Variants in PPM1B observed in about 807,000 individuals in gnomAD.
PPM1B encodes protein phosphatase 1B.
Under a neutral mutation model 43.0 loss-of-function variants are expected in PPM1B, and 22 were observed. The ratio of observed to expected loss-of-function variants is 0.51; its 90% CI spans 0.37 to 0.73. The LOEUF (loss-of-function observed/expected upper bound fraction) is 0.73. Ranked by LOEUF, PPM1B falls within the 30% of genes least tolerant of loss-of-function variation. PPM1B has a pLI of 0.00. For missense variants in PPM1B, 632 were observed against 584.2 expected, an observed-to-expected ratio of 1.08 and a Z score of -0.84; for synonymous variants, 217 against 197.9, an observed-to-expected ratio of 1.10 and a Z score of -0.81.
At chr2:44,221,836 A>AAT (rs1228703192) in intron 5 of PPM1B, among the ~76,000 whole-genome samples, 1 of 152,102 alleles carries the variant, frequency 6.6e-6, no homozygotes, top group Non-Finnish European at 1.5e-5. Flanking sequence ...AAGTAATTTT[A>AAT]ATATATATTC....
chr2:44,181,057 A>T (rs1572687665), intron 1 of PPM1B, among the ~76,000 whole-genome samples: 1 of 151,966 alleles, frequency 6.6e-6, no homozygotes, highest in East Asian at 1.9e-4. Flanking sequence ...CAGTCGTCCT[A>T]CCCCAGCCTC....
chr2:44,189,438 C>T (rs147858023), intron 1 of PPM1B, among the ~76,000 whole-genome samples: 1 of 152,186 alleles, frequency 6.6e-6, no homozygotes, highest in Admixed American at 6.5e-5. Flanking sequence ...TTCTAACTTG[C>T]TAAGCTGCTG....
chr2:44,197,465 T>TA (rs1002638109), intron 1 of PPM1B, among the ~76,000 whole-genome samples: 5 of 152,120 alleles, frequency 3.3e-5, no homozygotes, highest in Middle Eastern at 3.4e-3. Flanking sequence ...TATCAAAAAC[T>TA]AAAAAAAACT....
chr2:44,215,332 A>G (rs1000125816), intron 3 of PPM1B, among the ~76,000 whole-genome samples: 2 of 152,190 alleles, frequency 1.3e-5, no homozygotes. Flanking sequence ...GGTGGTGCAC[A>G]CCTGTAGTTC....
chr2:44,202,665 G>A (rs1668995349), intron 2 of PPM1B, among the ~76,000 whole-genome samples: 1 of 152,092 alleles, frequency 6.6e-6, no homozygotes, highest in South Asian at 2.1e-4. Flanking sequence ...TCATATAGAT[G>A]TTTTTATTAT....
chr2:44,222,503 T>G (rs1431011197), intron 5 of PPM1B, among the ~76,000 whole-genome samples: 1 of 152,138 alleles, frequency 6.6e-6, no homozygotes, highest in Non-Finnish European at 1.5e-5. Flanking sequence ...TTTCCAAGGG[T>G]AAAGTTGAGC....
Position 44,209,256 on chromosome 2 carries a change from C to T in PPM1B, c.893C>T (p.Ala298Val), listed in dbSNP as rs369307616. The change falls in exon 3 of 6, where the codon GCT becomes GTT. Residue 298 changes from alanine to valine, a missense_variant. Ala to Val is a moderately conservative substitution (Grantham distance 64). Coordinates refer to ENST00000282412, the MANE Select transcript of PPM1B (RefSeq NM_002706.6). Reference protein sequence around the residue: ...MSIVLVCFSNAPKVSDEAVKK... With the variant: ...MSIVLVCFSNVPKVSDEAVKK... Reference sequence around the variant, plus strand: ...ATTGTACTAGTTTGCTTTTCAAATGCTCCCAAGGTCTCAGATGAAGCGGTG... The same window carrying T: ...ATTGTACTAGTTTGCTTTTCAAATGTTCCCAAGGTCTCAGATGAAGCGGTG... 3.5e-5 allele frequency: 56 copies of T among 1,613,442 alleles called. No individual in the cohort carries two copies. The highest frequency in any genetic ancestry group is 4.4e-5 in the Non-Finnish European group (52 of 1,179,726).
Position 44,203,096 on chromosome 2 carries a change from A to T in PPM1B, c.846+1051A>T, listed in dbSNP as rs75640129. On this transcript the variant is annotated intron_variant, in intron 2 of 5. Coordinates refer to ENST00000282412, the MANE Select transcript of PPM1B (RefSeq NM_002706.6). ...ATAACCAGAAAGTTTTTCAGAAAGG[A>T]TCTCTGGGTCTCTGGAAATGCCCAG... Among the ~76,000 whole-genome samples the T allele has an allele frequency of 3.9e-5, 6 of 152,288 alleles. No individual in the cohort carries two copies. The East Asian group carries it at 1.2e-3, about 29-fold the overall frequency.
At chr2:44,171,396 T>C (rs1161310825) in intron 1 of PPM1B, among the ~76,000 whole-genome samples, 1 of 152,252 alleles carries the variant, frequency 6.6e-6, no homozygotes, top group Non-Finnish European at 1.5e-5. Context: ...AAGTGGCTCT[T>C]GTTGAAAGTT....
At chr2:44,202,378 AAT>A (rs1012621176) in intron 2 of PPM1B, among the ~76,000 whole-genome samples, 5 of 152,206 alleles carry the variant, frequency 3.3e-5, no homozygotes, top group African/African-American at 1.2e-4. Context: ...AGCTTGATAA[AAT>A]ATGTATATAG....
chr2:44,228,903 C>G (rs1462004353), intron 5 of PPM1B, among the ~76,000 whole-genome samples: 1 of 152,044 alleles, frequency 6.6e-6, no homozygotes, highest in East Asian at 1.9e-4. Flanking sequence ...TATTTTTCAG[C>G]CAGGCACGGT....
At position 44,230,768 on chromosome 2, in the gene PPM1B, G is replaced by A. The variant is rs1279567161; in HGVS notation, c.*50G>A. 2 of 1,566,492 alleles carry A rather than the reference G, an allele frequency of 1.3e-6. No individual in the cohort carries two copies. The highest frequency in any genetic ancestry group is 1.4e-5 in the African/African-American group (1 of 73,272). Reference sequence around the variant, plus strand: ...TGATCTTTGATGGTTTTTAACCTAGGAAGTGTAATGTATGCATTTATATAA... The same window carrying A: ...TGATCTTTGATGGTTTTTAACCTAGAAAGTGTAATGTATGCATTTATATAA... On this transcript the variant is annotated 3_prime_UTR_variant, in exon 6 of 6. Transcript: ENST00000282412.
At chr2:44,241,893 C>T (rs940656545) in intron 5 of PPM1B, among the ~76,000 whole-genome samples, 1 of 106,716 alleles carries the variant, frequency 9.4e-6, no homozygotes, top group African/African-American at 3.9e-5. Flanking sequence ...GAGTCTCGCA[C>T]TCTCGTCCAG....
rs143809041 is a variant in PPM1B at position 44,220,104 on chromosome 2, C to G, written c.1134+1567C>G. 4.2e-3 allele frequency among the ~76,000 whole-genome samples: 643 copies of G among 152,178 alleles called. 3 individuals carry two copies. The highest frequency in any genetic ancestry group is 0.015 in the African/African-American group (610 of 41,524). On this transcript the variant is annotated intron_variant, in intron 5 of 5. Coordinates refer to ENST00000282412, the MANE Select transcript of PPM1B (RefSeq NM_002706.6). The stretch of plus-strand genomic sequence containing the variant: ...GAAGGTTGAGAGAAGAGAATCTTAA[C>G]TCTTCAGCTAGATTATAGATTCTTC...
chr2:44,196,868 C>G (rs1225085337), intron 1 of PPM1B, among the ~76,000 whole-genome samples: 1 of 152,086 alleles, frequency 6.6e-6, no homozygotes, highest in East Asian at 1.9e-4. Context: ...ATTATATAAT[C>G]TTGGTATTTT....
At chr2:44,206,199 ATTTC>A (rs1159778835) in intron 2 of PPM1B, among the ~76,000 whole-genome samples, 2 of 152,158 alleles carry the variant, frequency 1.3e-5, no homozygotes, top group African/African-American at 4.8e-5. Context: ...TGCAGAGCTA[ATTTC>A]TTTAGTTATC....
intron 1 of PPM1B, among the ~76,000 whole-genome samples, chr2:44,198,607 T>C (rs1167467398): frequency 1.3e-5 from 2 of 152,216 alleles, no homozygotes; most frequent in Non-Finnish European, 2.9e-5. Flanking sequence ...AGTATTTGCT[T>C]GTTCCTTGGT....
At chr2:44,207,165 A>T (rs914851238) in intron 2 of PPM1B, among the ~76,000 whole-genome samples, 1 of 152,158 alleles carries the variant, frequency 6.6e-6, no homozygotes, top group African/African-American at 2.4e-5. Context: ...ACTGCCTTCA[A>T]ACTTTACTCC....
chr2:44,244,758 CT>C (rs753488539), downstream of PPM1B, among the ~76,000 whole-genome samples: 1,536 of 135,470 alleles, frequency 0.011, 10 homozygotes, highest in African/African-American at 0.027. Flanking sequence ...TATATTAGAC[CT>C]TTTTTTTTTT....
Sources: allele counts gnomAD v4.1 joint callset (sites outside exome capture counted in the v4.1 genomes callset), GRCh38; gene constraint gnomAD v4.1.1; transcripts MANE v1.5; gene names NCBI Gene and HGNC (gene_info 2026-07-23, HGNC 2026-07-21).